COX7B2: variants seen among roughly 807,000 people sequenced by gnomAD.
The protein encoded by COX7B2 is cytochrome c oxidase subunit 7B2, mitochondrial.
For missense variants in COX7B2, 109 were observed against 95.9 expected (o/e 1.14, Z -0.57); for synonymous variants, 37 against 32.1 (o/e 1.15, Z -0.51).
intron 2 of COX7B2, among the ~76,000 whole-genome samples, chr4:46,788,884 ATTAT>A (rs1394515297): frequency 6.6e-6 from 1 of 152,192 alleles, no homozygotes; most frequent in African/African-American, 2.4e-5. Flanking sequence ...ATAGAACAAA[ATTAT>A]TTATCCTCAG....
At chr4:46,823,669 C>T (rs2109702033) in intron 2 of COX7B2, among the ~76,000 whole-genome samples, 1 of 151,172 alleles carries the variant, frequency 6.6e-6, no homozygotes, top group Non-Finnish European at 1.5e-5. Context: ...GTTGTAAGGT[C>T]AGCAACACAA....
intron 2 of COX7B2, among the ~76,000 whole-genome samples, chr4:46,773,368 C>T (rs1160463022): frequency 1.3e-5 from 2 of 152,062 alleles, no homozygotes; most frequent in African/African-American, 2.4e-5. Flanking sequence ...TCCCCCTTTG[C>T]ACAGCACTTC....
chr4:46,896,344 T>C (rs1719760408), intron 1 of COX7B2, among the ~76,000 whole-genome samples: 1 of 152,210 alleles, frequency 6.6e-6, no homozygotes, highest in Non-Finnish European at 1.5e-5. Context: ...TTTTTATCAC[T>C]GTAGCAGTTA....
chr4:46,764,729 T>C (rs1045683505), intron 2 of COX7B2, among the ~76,000 whole-genome samples: 1 of 150,468 alleles, frequency 6.6e-6, no homozygotes, highest in Non-Finnish European at 1.5e-5. Flanking sequence ...AAGTTAAGTG[T>C]TATCTACATT....
At chr4:46,738,764 T>G (rs1023162598) in intron 2 of COX7B2, among the ~76,000 whole-genome samples, 1 of 152,044 alleles carries the variant, frequency 6.6e-6, no homozygotes, top group African/African-American at 2.4e-5. Flanking sequence ...TAGATCTTTC[T>G]GACAAAAATA....
At chr4:46,872,464 A>C (rs1421166633) in intron 1 of COX7B2, among the ~76,000 whole-genome samples, 1 of 152,110 alleles carries the variant, frequency 6.6e-6, no homozygotes, top group Non-Finnish European at 1.5e-5. Context: ...GTACCCCTGA[A>C]CCTAAAATAA....
At chr4:46,782,912 A>T (rs1041951432) in intron 2 of COX7B2, among the ~76,000 whole-genome samples, 1 of 152,206 alleles carries the variant, frequency 6.6e-6, no homozygotes, top group African/African-American at 2.4e-5. Context: ...AAGAACTGTA[A>T]CACTCACCGT....
At chr4:46,849,028 GA>G (rs1259765071) in intron 1 of COX7B2, among the ~76,000 whole-genome samples, 3 of 151,822 alleles carry the variant, frequency 2.0e-5, no homozygotes, top group African/African-American at 7.3e-5. Context: ...ATAATGACAA[GA>G]AAAAAAGTCT....
intron 1 of COX7B2, among the ~76,000 whole-genome samples, chr4:46,846,734 C>G (rs571372881): frequency 1.3e-5 from 2 of 152,070 alleles, no homozygotes; most frequent in East Asian, 3.9e-4. Flanking sequence ...GGGAATAAAA[C>G]AGGAAGCATT....
chr4:46,856,948 G>A (rs773581918), intron 1 of COX7B2, among the ~76,000 whole-genome samples: 6 of 152,166 alleles, frequency 3.9e-5, no homozygotes, highest in Admixed American at 1.3e-4. Flanking sequence ...AATAGAGATA[G>A]AGTTTGATAG....
chr4:46,865,186 A>C (rs1360782270), intron 1 of COX7B2, among the ~76,000 whole-genome samples: 4 of 152,138 alleles, frequency 2.6e-5, no homozygotes, highest in Non-Finnish European at 5.9e-5. Flanking sequence ...CTCACTTATC[A>C]GTGAGAACAT....
intron 1 of COX7B2, among the ~76,000 whole-genome samples, chr4:46,887,686 G>C (rs1380228177): frequency 1.3e-5 from 2 of 148,656 alleles, no homozygotes; most frequent in African/African-American, 5.0e-5. Context: ...ACTCCAGCCT[G>C]GGTGACAGAG....
chr4:46,852,452 G>A (rs939185370), intron 1 of COX7B2, among the ~76,000 whole-genome samples: 1 of 151,752 alleles, frequency 6.6e-6, no homozygotes, highest in African/African-American at 2.4e-5. Flanking sequence ...CTGGGTAGTG[G>A]TGTTTAAGGA....
At chr4:46,903,718 G>A (rs1012500558) in intron 1 of COX7B2, among the ~76,000 whole-genome samples, 3 of 152,078 alleles carry the variant, frequency 2.0e-5, no homozygotes, top group Admixed American at 2.0e-4. Flanking sequence ...ACTGACCATT[G>A]TGTTACAAGG....
Position 46,794,187 on chromosome 4 carries a change from G to A in COX7B2, c.-50+50773C>T, listed in dbSNP as rs555823246. Among the ~76,000 whole-genome samples, 29 of 152,152 alleles carry A rather than the reference G, an allele frequency of 1.9e-4. 1 individual carries two copies. Among genetic ancestry groups the A allele is most frequent in the Non-Finnish European group, 3.1e-4 (21 of 68,024 alleles). On this transcript the variant is annotated intron_variant, in intron 2 of 2. Coordinates refer to ENST00000355591, the MANE Select transcript of COX7B2 (RefSeq NM_130902.3). ...TTATACACAGAGAAAATGGGAAAAC[G>A]TGTTTAAATGGATGCTAAAGCTGTG...
At chr4:46,857,263 C>T (rs1052606153) in intron 1 of COX7B2, among the ~76,000 whole-genome samples, 2 of 152,228 alleles carry the variant, frequency 1.3e-5, no homozygotes, top group African/African-American at 4.8e-5. Context: ...CTTACCCTAT[C>T]TGGCTCTTGT....
chr4:46,874,714 A>G (rs1718215394), intron 1 of COX7B2, among the ~76,000 whole-genome samples: 1 of 152,148 alleles, frequency 6.6e-6, no homozygotes, highest in Admixed American at 6.5e-5. Context: ...AAACTACTTT[A>G]AAATGTCAGG....
chr4:46,841,668 C>A (rs1300108312), intron 2 of COX7B2, among the ~76,000 whole-genome samples: 2 of 151,872 alleles, frequency 1.3e-5, no homozygotes, highest in African/African-American at 4.8e-5. Context: ...GACTGAACAG[C>A]CTAATTCTTA....
At chr4:46,878,943 G>C (rs936602831) in intron 1 of COX7B2, among the ~76,000 whole-genome samples, 3 of 152,136 alleles carry the variant, frequency 2.0e-5, no homozygotes, top group South Asian at 2.1e-4. Flanking sequence ...CATGTGCTCA[G>C]CTAAGACTCA....
Sources: allele counts gnomAD v4.1 joint callset (sites outside exome capture counted in the v4.1 genomes callset), GRCh38; gene constraint gnomAD v4.1.1; transcripts MANE v1.5; gene names NCBI Gene and HGNC (gene_info 2026-07-23, HGNC 2026-07-21).